The following CSK variants were observed in gnomAD, a reference collection of about 807,000 sequenced individuals.
CSK encodes C-terminal Src kinase.
CSK carries 7 observed loss-of-function variants against 62.3 expected under a neutral mutation model. The observed-to-expected ratio is 0.11, with a 90% CI of 0.06 to 0.21. The LOEUF (loss-of-function observed/expected upper bound fraction) is 0.21. Ranked by LOEUF, CSK falls within the 10% of genes least tolerant of loss-of-function variation. The probability of loss-of-function intolerance (pLI) is 1.00; values close to 1 mark genes in which losing one functional copy is unlikely to be tolerated. For missense variants in CSK, 294 were observed against 613.5 expected (o/e 0.48, Z 5.50); for synonymous variants, 237 against 246.0 (o/e 0.96, Z 0.34).
chr15:74,801,628 T>G (rs759053879), intron 10 of CSK, 33 bp downstream of exon 10: 3 of 1,612,316 alleles, frequency 1.9e-6, no homozygotes, highest in Non-Finnish European at 8.5e-7. Flanking sequence ...TGGGTAGGGT[T>G]TGAGGGGTAC....
chr15:74,799,748 T>C (rs987338837), intron 5 of CSK, among the ~76,000 whole-genome samples: 24 of 152,160 alleles, frequency 1.6e-4, no homozygotes, highest in Non-Finnish European at 3.2e-4. Flanking sequence ...TTCAGAGCAG[T>C]TAGGGGACCC....
chr15:74,789,113 C>G (rs1268517813), intron 1 of CSK, among the ~76,000 whole-genome samples: 1 of 152,206 alleles, frequency 6.6e-6, no homozygotes, highest in Admixed American at 6.5e-5. Flanking sequence ...CCCACTGAAC[C>G]ATTGGGGGCA....
chr15:74,799,033 G>C (rs960572145), intron 4 of CSK, 95 bp downstream of exon 4: 2 of 1,230,642 alleles, frequency 1.6e-6, no homozygotes, highest in Middle Eastern at 2.6e-4. Context: ...GAGGGGCTTG[G>C]GTGTTGGGGA....
Position 74,798,124 on chromosome 15 carries a change from C to T in CSK, c.-65-109C>T. 1.6e-6 allele frequency: 1 copy of T among 642,546 alleles called. No homozygotes were observed. The highest frequency in any genetic ancestry group is 2.7e-6 in the Non-Finnish European group (1 of 376,972). 39.8% of individuals were successfully genotyped at this position (642,546 alleles called of 1,614,324 possible). ...AGAGAATGGCCCATGTGTCAAATCC[C>T]AGCGCAGGACACTCTTGGCACCTGT... On this transcript the variant is annotated intron_variant, in intron 1 of 12. Transcript: ENST00000220003. This position sits in a 1 kb window ranked among gnomAD's most constrained non-coding sequence, Gnocchi z 6.6.
chr15:74,789,839 A>G (rs2063590051), intron 1 of CSK, among the ~76,000 whole-genome samples: 1 of 152,290 alleles, frequency 6.6e-6, no homozygotes, highest in South Asian at 2.1e-4. Flanking sequence ...TGAACATACC[A>G]GGCCATGGCT....
chr15:74,794,946 A>C (rs2063682633), intron 1 of CSK, among the ~76,000 whole-genome samples: 1 of 152,096 alleles, frequency 6.6e-6, no homozygotes, highest in East Asian at 1.9e-4. Flanking sequence ...TGCCAGGCCC[A>C]CTTGAAACCA....
intron 5 of CSK, among the ~76,000 whole-genome samples, chr15:74,800,048 C>T (rs1401123394): frequency 6.6e-6 from 1 of 152,218 alleles, no homozygotes; most frequent in African/African-American, 2.4e-5. Flanking sequence ...ACTCTTATCT[C>T]CCTCCCCTAC....
intron 1 of CSK, among the ~76,000 whole-genome samples, chr15:74,794,944 C>A (rs1347546117): frequency 6.6e-6 from 1 of 152,132 alleles, no homozygotes. Context: ...TATGCCAGGC[C>A]CACTTGAAAC....
chr15:74,795,001 G>A (rs1012611099), intron 1 of CSK, among the ~76,000 whole-genome samples: 6 of 152,156 alleles, frequency 3.9e-5, no homozygotes, highest in Non-Finnish European at 8.8e-5. Flanking sequence ...GGTGGACTCT[G>A]GAAGTGTGTG....
Position 74,802,615 on chromosome 15 carries a change from G to T in CSK, c.*102G>T, listed in dbSNP as rs929989823. 2.8e-6 allele frequency: 4 copies of T among 1,428,912 alleles called. No homozygotes were observed. The highest frequency in any genetic ancestry group is 2.9e-5 in the African/African-American group (2 of 68,492). The allele number at this position is 1,428,912 out of a possible 1,614,324, so 88.5% of individuals were successfully genotyped here. A position where few individuals can be genotyped will look rare whatever the true frequency, so the allele number is the denominator to read the frequency against. On this transcript the variant is annotated 3_prime_UTR_variant, in exon 13 of 13. Coordinates refer to ENST00000220003, the MANE Select transcript of CSK (RefSeq NM_004383.3). ...GGGCCCGAGCCTGAACTGAGCCCCA[G>T]CGGGCTGGCGGGCCTTTTTCCTGCG...
intron 5 of CSK, among the ~76,000 whole-genome samples, chr15:74,799,693 G>C (rs2063759448): frequency 6.6e-6 from 1 of 152,200 alleles, no homozygotes; most frequent in Admixed American, 6.5e-5. Flanking sequence ...GTGCCACCAT[G>C]AGGAGGGGAG....
intron 7 of CSK, 35 bp from the exon 8 acceptor site, chr15:74,800,788 C>T (rs756439738): frequency 5.6e-6 from 9 of 1,594,974 alleles, no homozygotes; most frequent in Admixed American, 1.8e-5. Flanking sequence ...TGAGGGACTC[C>T]GAACTTGGGA....
chr15:74,799,896 T>C (rs1176927862), intron 5 of CSK, among the ~76,000 whole-genome samples: 1 of 152,148 alleles, frequency 6.6e-6, no homozygotes, highest in Non-Finnish European at 1.5e-5. Context: ...TGCGCCTTGA[T>C]CGCCAGGGCC....
intron 4 of CSK, 137 bp downstream of exon 4, chr15:74,799,075 C>T (rs936483388): frequency 7.2e-6 from 7 of 975,096 alleles, no homozygotes; most frequent in African/African-American, 1.6e-5. Flanking sequence ...GGTGCGGGTG[C>T]GGGACCTCAC....
chr15:74,790,908 C>G (rs1198656337), intron 1 of CSK: 1 of 152,210 alleles, frequency 6.6e-6, no homozygotes, highest in African/African-American at 2.4e-5. Context: ...GCCTCGGCAG[C>G]CAACACAGCT....
chr15:74,795,812 G>T (rs2063696001), intron 1 of CSK, among the ~76,000 whole-genome samples: 1 of 152,152 alleles, frequency 6.6e-6, no homozygotes, highest in Non-Finnish European at 1.5e-5. Context: ...ACTACTAATA[G>T]CCTATTGTTG....
intron 1 of CSK, among the ~76,000 whole-genome samples, chr15:74,783,253 C>CCTAA (rs2063464940): frequency 6.6e-6 from 1 of 152,216 alleles, no homozygotes; most frequent in Non-Finnish European, 1.5e-5. Context: ...GAAGACCAGG[C>CCTAA]CTAAGCCAAG....
rs1328691859 is a variant in CSK, at chr15:74,798,677, G to A, written c.78G>A (p.Gln26=). The change falls in exon 3 of 13, where the codon CAG becomes CAA. Residue 26 remains glutamine, a synonymous_variant. Coordinates refer to ENST00000220003, the MANE Select transcript of CSK (RefSeq NM_004383.3). The surrounding 1 kb of genome is among the most constrained non-coding windows in gnomAD (Gnocchi z 6.6). The part of the protein sequence containing the change: ...AKYNFHGTAE[Q]DLPFCKGDVL... ...ACAACTTCCACGGCACTGCCGAGCA[G>A]GACCTGCCCTTCTGCAAAGGAGACG... is the stretch of plus-strand genomic sequence containing the variant. The A allele has an allele frequency of 6.2e-7, 1 of 1,613,662 alleles. No homozygotes were observed. Among genetic ancestry groups the A allele is most frequent in the African/African-American group, 1.3e-5 (1 of 74,950 alleles).
At chr15:74,799,811 CTG>C (rs1218528964) in intron 5 of CSK, among the ~76,000 whole-genome samples, 1 of 152,220 alleles carries the variant, frequency 6.6e-6, no homozygotes, top group Non-Finnish European at 1.5e-5. Context: ...CTGAGTCTGT[CTG>C]ATCCCAGAGC....
Sources: allele counts gnomAD v4.1 joint callset (sites outside exome capture counted in the v4.1 genomes callset), GRCh38; gene constraint gnomAD v4.1.1; non-coding constraint Gnocchi (gnomAD v3.1); transcripts MANE v1.5; gene names NCBI Gene and HGNC (gene_info 2026-07-23, HGNC 2026-07-21).